The following PCDHGA8 variants were observed in gnomAD, a reference collection of about 807,000 sequenced individuals.
PCDHGA8 encodes the protein protocadherin gamma-A8.
A neutral mutation model predicts 59.2 loss-of-function variants in PCDHGA8; 45 were observed. The observed-to-expected ratio is 0.76, with a 90% CI of 0.60 to 0.98. The LOEUF is 0.98. PCDHGA8 is among the 50% of genes least tolerant of loss of function. The probability of loss-of-function intolerance (pLI) is 0.00; values close to 1 mark genes in which losing one functional copy is unlikely to be tolerated. For missense variants in PCDHGA8, 1,257 were observed against 1,196.2 expected (o/e 1.05, Z -0.75); for synonymous variants, 531 against 519.0 (o/e 1.02, Z -0.32).
At chr5:141,508,879 G>A (rs2547559) in intron 3 of PCDHGA8, among the ~76,000 whole-genome samples, 2 of 152,070 alleles carry the variant, frequency 1.3e-5, no homozygotes, top group East Asian at 3.9e-4. Context: ...AGAGGCTGAC[G>A]GCTGGAGGGG....
rs1488446232 is a variant in PCDHGA8, at chr5:141,493,171, A to G, written c.2425-1636A>G. On this transcript the variant is annotated intron_variant, in intron 1 of 3. Coordinates refer to ENST00000398604, the MANE Select transcript of PCDHGA8 (RefSeq NM_032088.2). This position sits in a 1 kb window ranked among gnomAD's most constrained non-coding sequence, Gnocchi z 4.3. ...GGTGATTTTGATAGCTGATTGAGAG[A>G]AACTTACTATATAACTCCTTTGAGA... is the stretch of plus-strand genomic sequence containing the variant. 6.6e-6 allele frequency among the ~76,000 whole-genome samples: 1 copy of G among 152,214 alleles called. No homozygotes were observed. The highest frequency in any genetic ancestry group is 1.5e-5 in the Non-Finnish European group (1 of 68,034).
chr5:141,419,315 C>A lies in PCDHGA8; in HGVS notation c.2424+24078C>A, dbSNP rs2096357855. ...TGACCCAGACTTCGGGCTCAACGGC[C>A]GTGTCTCCTACTCTCTCATTGCCAG... On this transcript the variant is annotated intron_variant, in intron 1 of 3. Transcript: ENST00000398604. 3 of 1,613,880 alleles carry A rather than the reference C, an allele frequency of 1.9e-6. No homozygotes were observed. Among genetic ancestry groups the A allele is most frequent in the Non-Finnish European group, 2.5e-6 (3 of 1,179,910 alleles).
chr5:141,485,632 G>T lies in PCDHGA8; in HGVS notation c.2425-9175G>T. The T allele has an allele frequency of 6.2e-7, 1 of 1,611,766 alleles. No homozygotes were observed. Among genetic ancestry groups the T allele is most frequent in the Non-Finnish European group, 8.5e-7 (1 of 1,178,342 alleles). The stretch of plus-strand genomic sequence containing the variant: ...CAGCTCCTCCAGGACAGCGTTTCCC[G>T]TTGGAAAAGGCTCAGGATGCAGATG... On this transcript the variant is annotated intron_variant, in intron 1 of 3. Coordinates refer to ENST00000398604, the MANE Select transcript of PCDHGA8 (RefSeq NM_032088.2). This position sits in a 1 kb window ranked among gnomAD's most constrained non-coding sequence, Gnocchi z 5.7.
chr5:141,462,782 T>C (rs1397671639), intron 1 of PCDHGA8, among the ~76,000 whole-genome samples: 1 of 152,220 alleles, frequency 6.6e-6, no homozygotes, highest in Non-Finnish European at 1.5e-5. Flanking sequence ...TCATAATTTG[T>C]TGCTTATTTG....
intron 1 of PCDHGA8, chr5:141,424,160 C>A (rs187420643): frequency 6.3e-4 from 172 of 273,324 alleles, no homozygotes; most frequent in South Asian, 2.2e-3. Flanking sequence ...CTCTCCTTCT[C>A]ATCTATCTAT....
chr5:141,457,708 T>C (rs1160977721), intron 1 of PCDHGA8, among the ~76,000 whole-genome samples: 1 of 152,260 alleles, frequency 6.6e-6, no homozygotes, highest in Admixed American at 6.5e-5. Context: ...GATGAAACAC[T>C]GTTCCACAAG....
Position 141,431,587 on chromosome 5 carries a change from A to C in PCDHGA8, c.2424+36350A>C. On this transcript the variant is annotated intron_variant, in intron 1 of 3. Coordinates refer to ENST00000398604, the MANE Select transcript of PCDHGA8 (RefSeq NM_032088.2). This position sits in a 1 kb window ranked among gnomAD's most constrained non-coding sequence, Gnocchi z 4.8. ...ACCCTGACGAAGGAGTCAATGCGGA[A>C]GTGAGGTATTCCTTCCGGTATGTGG... The C allele has an allele frequency of 1.2e-6, 2 of 1,614,236 alleles. No homozygotes were observed. Among genetic ancestry groups the C allele is most frequent in the Non-Finnish European group, 1.7e-6 (2 of 1,180,036 alleles).
intron 1 of PCDHGA8, chr5:141,407,996 T>G: frequency 1.1e-6 from 1 of 872,310 alleles, no homozygotes; most frequent in Middle Eastern, 3.6e-4. Flanking sequence ...GCCTCTGGCC[T>G]GGGATTCCCT....
Position 141,489,897 on chromosome 5 carries a change from C to G in PCDHGA8, c.2425-4910C>G. ...TGCTTACTGCTGTGGATGGGGGGAC[C>G]CCAGCCCGCTCAGGGACCACCCTTA... is the stretch of plus-strand genomic sequence containing the variant. On this transcript the variant is annotated intron_variant, in intron 1 of 3. Transcript: ENST00000398604. This position sits in a 1 kb window ranked among gnomAD's most constrained non-coding sequence, Gnocchi z 4.5. 1 of 1,614,162 alleles carries G rather than the reference C, an allele frequency of 6.2e-7. No individual in the cohort carries two copies. Among genetic ancestry groups the G allele is most frequent in the Non-Finnish European group, 8.5e-7 (1 of 1,180,016 alleles).
At chr5:141,462,100 G>T (rs1202526885) in intron 1 of PCDHGA8, among the ~76,000 whole-genome samples, 1 of 152,164 alleles carries the variant, frequency 6.6e-6, no homozygotes, top group Non-Finnish European at 1.5e-5. Flanking sequence ...TGGGATTACA[G>T]GCATGAGCCA....
In PCDHGA8 at chr5:141,490,996, G is replaced by A; in HGVS notation, c.2425-3811G>A. ...GCGTCTCCCTCGCTCTGCTCCTCCT[G>A]GCTCCTTGGTCACCAAGGTGACAGC... is the stretch of plus-strand genomic sequence containing the variant. On this transcript the variant is annotated intron_variant, in intron 1 of 3. Transcript: ENST00000398604. This position sits in a 1 kb window ranked among gnomAD's most constrained non-coding sequence, Gnocchi z 5.4. The A allele has an allele frequency of 6.2e-7, 1 of 1,614,090 alleles. No individual in the cohort carries two copies. The highest frequency in any genetic ancestry group is 8.5e-7 in the Non-Finnish European group (1 of 1,180,028).
At chr5:141,488,834 G>A (rs976460724) in intron 1 of PCDHGA8, among the ~76,000 whole-genome samples, 1 of 152,160 alleles carries the variant, frequency 6.6e-6, no homozygotes, top group Admixed American at 6.5e-5. Context: ...GCTGCCAAGG[G>A]GGCTGAATCA....
intron 1 of PCDHGA8, chr5:141,400,208 T>G: frequency 6.2e-7 from 1 of 1,614,042 alleles, no homozygotes; most frequent in South Asian, 1.1e-5. Context: ...GCCTTGGCCT[T>G]GATCTCAGTG....
intron 1 of PCDHGA8, among the ~76,000 whole-genome samples, chr5:141,456,703 G>T (rs528071544): frequency 1.3e-5 from 2 of 152,062 alleles, no homozygotes; most frequent in Non-Finnish European, 2.9e-5. Context: ...GGTGGCTCGC[G>T]CCTGTAATCC....
chr5:141,419,220 A>G (rs2096345873), intron 1 of PCDHGA8: 1 of 1,613,966 alleles, frequency 6.2e-7, no homozygotes, highest in Non-Finnish European at 8.5e-7. Context: ...GTTTTCGGAC[A>G]GTCAGCCTAC....
intron 1 of PCDHGA8, among the ~76,000 whole-genome samples, chr5:141,406,795 C>G (rs1277584347): frequency 6.6e-6 from 1 of 152,204 alleles, no homozygotes; most frequent in African/African-American, 2.4e-5. Context: ...TTATTTCTGG[C>G]TCAATTCTCC....
chr5:141,396,295 AG>A (rs1561657375), intron 1 of PCDHGA8: 1 of 151,978 alleles, frequency 6.6e-6, no homozygotes, highest in African/African-American at 2.4e-5. Flanking sequence ...ACTCCAGCCT[AG>A]GTGGCAGAAC....
chr5:141,474,837 C>T (rs1250443544), intron 1 of PCDHGA8, among the ~76,000 whole-genome samples: 2 of 152,214 alleles, frequency 1.3e-5, no homozygotes, highest in Admixed American at 6.5e-5. Flanking sequence ...CTGTGCCAGG[C>T]ACTTTACCTG....
intron 1 of PCDHGA8, chr5:141,478,600 C>T (rs762531135): frequency 6.4e-7 from 1 of 1,565,134 alleles, no homozygotes. Context: ...ATTCCTACAT[C>T]ATATTGAGGA....
Sources: gnomAD v4.1 joint callset for allele counts (sites outside exome capture counted in the v4.1 genomes callset) on GRCh38, gnomAD v4.1.1 for gene constraint, Gnocchi (gnomAD v3.1) non-coding constraint, MANE v1.5 for transcripts, NCBI Gene and HGNC (gene_info 2026-07-23, HGNC 2026-07-21) for gene names.